The following LRP1B variants were observed in gnomAD, a reference collection of about 807,000 sequenced individuals.
The protein encoded by LRP1B is low-density lipoprotein receptor-related protein 1B.
LRP1B carries 217 observed loss-of-function variants against 556.6 expected under a neutral mutation model. The observed-to-expected ratio is 0.39, with a 90% CI of 0.35 to 0.44. LRP1B has a LOEUF of 0.44. Ranked by LOEUF, LRP1B falls within the 20% of genes least tolerant of loss-of-function variation. The probability of loss-of-function intolerance (pLI) is 1.00; values close to 1 mark genes in which losing one functional copy is unlikely to be tolerated. For synonymous variants in LRP1B, 2,047 were observed against 1,865.8 expected (o/e 1.10, Z -2.50); for missense variants, 5,053 against 5,620.8 (o/e 0.90, Z 3.23).
chr2:141,960,071 G>A (rs1701358956), intron 1 of LRP1B, among the ~76,000 whole-genome samples: 1 of 151,874 alleles, frequency 6.6e-6, no homozygotes, highest in Admixed American at 6.6e-5. Context: ...CGTGACAAAT[G>A]CAGTGAGAGG....
intron 3 of LRP1B, among the ~76,000 whole-genome samples, chr2:141,315,422 G>A (rs1173289109): frequency 6.6e-6 from 1 of 151,258 alleles, no homozygotes; most frequent in Non-Finnish European, 1.5e-5. Context: ...ACCATGCCTG[G>A]CTAATTTTTT....
At chr2:141,382,528 C>T (rs553491184) in intron 3 of LRP1B, among the ~76,000 whole-genome samples, 17 of 152,262 alleles carry the variant, frequency 1.1e-4, no homozygotes, top group African/African-American at 3.1e-4. Context: ...TTACTGAAGT[C>T]GGGGACATAA....
chr2:141,386,436 T>TA lies in LRP1B; in HGVS notation c.343+93959dup, dbSNP rs575606556. On this transcript the variant is annotated intron_variant, in intron 3 of 90. Coordinates refer to ENST00000389484, the MANE Select transcript of LRP1B (RefSeq NM_018557.3). ...ACAAAGATAGGCAGAATATGCTTTT[T>TA]AAAAAAGCATGATCCAACCTATATA... Among the ~76,000 whole-genome samples the TA allele has an allele frequency of 2.6e-4, 40 of 152,198 alleles. No individual in the cohort carries two copies. The South Asian group carries it at 7.7e-3, about 29-fold the overall frequency.
In LRP1B at chr2:140,870,299, C is replaced by A. The variant is rs1006686959; in HGVS notation, c.4170-2036G>T. ...CTTTCTGGAAATTATAGCCACCCCA[C>A]TCAGAGGTCAGAGGAACATTGGCCC... On this transcript the variant is annotated intron_variant, in intron 25 of 90. Coordinates refer to ENST00000389484, the MANE Select transcript of LRP1B (RefSeq NM_018557.3). Among the ~76,000 whole-genome samples the A allele has an allele frequency of 2.0e-5, 3 of 152,148 alleles. No homozygotes were observed. The South Asian group carries it at 6.2e-4, about 32-fold the overall frequency.
At chr2:142,102,538 AAAATT>A (rs1706604040) in intron 1 of LRP1B, among the ~76,000 whole-genome samples, 1 of 126,406 alleles carries the variant, frequency 7.9e-6, no homozygotes, top group Admixed American at 9.2e-5. Context: ...CAAAGGTGAA[AAAATT>A]AAAATAAAAT....
chr2:140,378,300 A>T lies in LRP1B; in HGVS notation c.10532-14T>A. 3.6e-6 allele frequency: 5 copies of T among 1,406,544 alleles called. No homozygotes were observed. Among genetic ancestry groups the T allele is most frequent in the Non-Finnish European group, 5.0e-6 (5 of 992,354 alleles). 87.1% of individuals were successfully genotyped at this position (1,406,544 alleles called of 1,614,324 possible). A position where few individuals can be genotyped will look rare whatever the true frequency, so the allele number is the denominator to read the frequency against. On this transcript the variant is annotated splice_polypyrimidine_tract_variant and intron_variant, in intron 67 of 90. Coordinates refer to ENST00000389484, the MANE Select transcript of LRP1B (RefSeq NM_018557.3). ...ATGTCTGTGGCTCTGGGGATAAAAAAACAGCACAGGGTTATTCTATTATAT... is the reference window on the plus strand; with the variant it reads ...ATGTCTGTGGCTCTGGGGATAAAAATACAGCACAGGGTTATTCTATTATAT...
Position 141,982,576 on chromosome 2 carries a change from A to C in LRP1B, c.82+148072T>G, listed in dbSNP as rs145121697. Among the ~76,000 whole-genome samples the C allele has an allele frequency of 9.2e-5, 14 of 152,264 alleles. No homozygotes were observed. In the East Asian group the frequency reaches 2.7e-3, roughly 29 times the overall value. On this transcript the variant is annotated intron_variant, in intron 1 of 90. Transcript: ENST00000389484. ...TAATTTTGCTCTATCTCTGTGAACAACTCGGCTATTATGATCTTTTTACAG... is the reference window on the plus strand; with the variant it reads ...TAATTTTGCTCTATCTCTGTGAACACCTCGGCTATTATGATCTTTTTACAG...
At chr2:140,947,382 C>T (rs1003536629) in intron 20 of LRP1B, among the ~76,000 whole-genome samples, 10 of 152,142 alleles carry the variant, frequency 6.6e-5, no homozygotes, top group African/African-American at 2.4e-4. Flanking sequence ...ATATGCTCTG[C>T]TTATCCATGC....
intron 29 of LRP1B, among the ~76,000 whole-genome samples, chr2:140,843,974 T>C (rs1462803698): frequency 6.6e-6 from 1 of 152,216 alleles, no homozygotes; most frequent in African/African-American, 2.4e-5. Flanking sequence ...TCTAAAATTT[T>C]AAGAGTATGT....
In LRP1B at chr2:140,413,948, C is replaced by T. The variant is rs186047794; in HGVS notation, c.10415-27939G>A. ...TTTTTATTTTTCAAAGACAGGGTCT[C>T]ATTCTGTCAGCCAGGTTGGAATGCA... On this transcript the variant is annotated intron_variant, in intron 66 of 90. Transcript: ENST00000389484. Among the ~76,000 whole-genome samples, 4 of 152,232 alleles carry T rather than the reference C, an allele frequency of 2.6e-5. 1 individual carries two copies. Among genetic ancestry groups the T allele is most frequent in the South Asian group, 4.1e-4 (2 of 4,828 alleles).
At chr2:141,917,517 T>A (rs1700070419) in intron 1 of LRP1B, among the ~76,000 whole-genome samples, 2 of 152,226 alleles carry the variant, frequency 1.3e-5, no homozygotes, top group African/African-American at 2.4e-5. Context: ...TGTATTTGAA[T>A]ACAAACTGGT....
intron 2 of LRP1B, among the ~76,000 whole-genome samples, chr2:141,641,187 T>C (rs1161564315): frequency 3.6e-5 from 5 of 138,212 alleles, no homozygotes; most frequent in Non-Finnish European, 8.2e-5. Flanking sequence ...GCCGGTAGTA[T>C]AGCTGGGTAG....
intron 10 of LRP1B, among the ~76,000 whole-genome samples, 199 bp from the exon 11 acceptor site, chr2:141,049,421 G>T (rs986570320): frequency 2.0e-5 from 3 of 151,972 alleles, no homozygotes; most frequent in Admixed American, 2.0e-4. Context: ...AATTACTTCC[G>T]CAAATGGGTT....
chr2:141,355,202 T>C (rs1026962480), intron 3 of LRP1B, among the ~76,000 whole-genome samples: 2 of 152,122 alleles, frequency 1.3e-5, no homozygotes, highest in African/African-American at 4.8e-5. Flanking sequence ...TGTCTACTAA[T>C]TTGTCATCTA....
intron 2 of LRP1B, among the ~76,000 whole-genome samples, chr2:141,737,856 C>G (rs556343275): frequency 6.6e-6 from 1 of 152,216 alleles, no homozygotes; most frequent in South Asian, 2.1e-4. Flanking sequence ...GAACACCTAT[C>G]TTAAAATCTC....
At chr2:141,547,570 T>G (rs1685598078) in intron 2 of LRP1B, among the ~76,000 whole-genome samples, 2 of 152,138 alleles carry the variant, frequency 1.3e-5, no homozygotes, top group Non-Finnish European at 2.9e-5. Flanking sequence ...GCATTCCCAC[T>G]TTCACCAGTC....
chr2:141,517,029 A>AAAAAAAAAAAAAAAAC lies in LRP1B; in HGVS notation c.206-36497_206-36496insGTTTTTTTTTTTTTTT, dbSNP rs772472942. On this transcript the variant is annotated intron_variant, in intron 2 of 90. Coordinates refer to ENST00000389484, the MANE Select transcript of LRP1B (RefSeq NM_018557.3). ...TAAAAAAAAAAAAAAAAAAAAAAAA[A>AAAAAAAAAAAAAAAAC]AAAGTAAATCAATGAAATAATTTAA... 4.3e-3 allele frequency among the ~76,000 whole-genome samples: 392 copies of AAAAAAAAAAAAAAAAC among 90,166 alleles called. 68 individuals carry two copies. Among genetic ancestry groups the AAAAAAAAAAAAAAAAC allele is most frequent in the Non-Finnish European group, 7.0e-3 (326 of 46,898 alleles). 59.2% of individuals were successfully genotyped at this position (90,166 alleles called of 152,430 possible). A position where few individuals can be genotyped will look rare whatever the true frequency, so the allele number is the denominator to read the frequency against.
At chr2:140,471,417 T>C (rs1435526776) in intron 60 of LRP1B, among the ~76,000 whole-genome samples, 1 of 152,190 alleles carries the variant, frequency 6.6e-6, no homozygotes, top group Non-Finnish European at 1.5e-5. Flanking sequence ...GCACTATTAA[T>C]TCTTTTTAAA....
intron 11 of LRP1B, among the ~76,000 whole-genome samples, chr2:141,022,788 A>C (rs2105401275): frequency 6.6e-6 from 1 of 152,094 alleles, no homozygotes; most frequent in African/African-American, 2.4e-5. Context: ...GATAAAGAAA[A>C]ACTTGGTAGA....
Sources: gnomAD v4.1 joint callset for allele counts (sites outside exome capture counted in the v4.1 genomes callset) on GRCh38, gnomAD v4.1.1 for gene constraint, MANE v1.5 for transcripts, NCBI Gene and HGNC (gene_info 2026-07-23, HGNC 2026-07-21) for gene names.